KIF26B: variants seen among roughly 807,000 people sequenced by gnomAD.
KIF26B encodes the protein kinesin family member 26B, also known as kinesin-like protein KIF26B.
KIF26B carries 63 observed loss-of-function variants against 151.2 expected under a neutral mutation model. That is an observed-to-expected ratio of 0.42 (90% CI 0.34 to 0.51). The LOEUF is 0.51. KIF26B is among the 20% of genes least tolerant of loss of function. The probability of loss-of-function intolerance (pLI) is 0.07; values close to 1 mark genes in which losing one functional copy is unlikely to be tolerated. For missense variants in KIF26B, 2,813 were observed against 2,913.6 expected (o/e 0.97, Z 0.79); for synonymous variants, 1,357 against 1,262.1 (o/e 1.08, Z -1.59).
intron 9 of KIF26B, among the ~76,000 whole-genome samples, chr1:245,634,200 A>C (rs531787937): frequency 6.6e-6 from 1 of 152,226 alleles, no homozygotes; most frequent in African/African-American, 2.4e-5. Flanking sequence ...CAACCTTCCT[A>C]AACTCACCTA....
At chr1:245,640,194 T>C (rs963924942) in intron 9 of KIF26B, among the ~76,000 whole-genome samples, 5 of 142,904 alleles carry the variant, frequency 3.5e-5, no homozygotes, top group South Asian at 2.3e-4. Flanking sequence ...TTCATAATTG[T>C]TATATCCTCT....
Position 245,698,075 on chromosome 1 carries a change from A to G in KIF26B, c.5825-31A>G, listed in dbSNP as rs1421128166. On this transcript the variant is annotated intron_variant, in intron 12 of 14. Coordinates refer to ENST00000407071, the MANE Select transcript of KIF26B (RefSeq NM_018012.4). This position sits in a 1 kb window ranked among gnomAD's most constrained non-coding sequence, Gnocchi z 4.0. Reference sequence around the variant, plus strand: ...AACAAAAAAATTGAAATTCAGAAAGACTAACTCTCTGGGCTTATCCCCCTC... The same window carrying G: ...AACAAAAAAATTGAAATTCAGAAAGGCTAACTCTCTGGGCTTATCCCCCTC... 5 of 1,583,422 alleles carry G rather than the reference A, an allele frequency of 3.2e-6. No individual in the cohort carries two copies. The highest frequency in any genetic ancestry group is 4.3e-6 in the Non-Finnish European group (5 of 1,163,808).
At chr1:245,537,443 C>T (rs1176799366) in intron 4 of KIF26B, among the ~76,000 whole-genome samples, 2 of 152,168 alleles carry the variant, frequency 1.3e-5, no homozygotes, top group African/African-American at 4.8e-5. Context: ...CTTGAGCAGA[C>T]TTAAATCTTA....
intron 2 of KIF26B, among the ~76,000 whole-genome samples, chr1:245,357,857 G>A (rs6680472): frequency 0.19 from 28,711 of 152,090 alleles, 7,385 homozygotes; most frequent in African/African-American, 0.58. Context: ...CAGGGGAATG[G>A]GGCAAGTACT....
Position 245,685,666 on chromosome 1 carries a change from G to C in KIF26B, c.2683G>C (p.Ala895Pro). 6.2e-7 allele frequency: 1 copy of C among 1,613,186 alleles called. No individual in the cohort carries two copies. Among genetic ancestry groups the C allele is most frequent in the Non-Finnish European group, 8.5e-7 (1 of 1,179,824 alleles). The change falls in exon 12 of 15, where the codon GCC becomes CCC. Residue 895 changes from alanine (A) to proline (P), a missense_variant. Transcript: ENST00000407071. ...CCCAGACTTTGTCCCTATCGTGCCAGCCCTGCAGAAGACCCGGGGCGACAG... is the reference window on the plus strand; with the variant it reads ...CCCAGACTTTGTCCCTATCGTGCCACCCCTGCAGAAGACCCGGGGCGACAG... Reference protein sequence around the residue: ...GPPDFVPIVPALQKTRGDSRP... With the variant: ...GPPDFVPIVPPLQKTRGDSRP...
chr1:245,169,728 TGTG>T (rs755743765), intron 2 of KIF26B, among the ~76,000 whole-genome samples: 6 of 152,132 alleles, frequency 3.9e-5, no homozygotes, highest in Non-Finnish European at 8.8e-5. Context: ...GTGGGCTTTT[TGTG>T]GTGGTGGTTT....
At chr1:245,351,009 G>A (rs2103000460) in intron 2 of KIF26B, among the ~76,000 whole-genome samples, 1 of 152,288 alleles carries the variant, frequency 6.6e-6, no homozygotes, top group East Asian at 1.9e-4. Flanking sequence ...GCAAGGAATT[G>A]ACTCCTCACA....
intron 2 of KIF26B, among the ~76,000 whole-genome samples, chr1:245,286,093 AC>A (rs1479571084): frequency 6.6e-6 from 1 of 152,062 alleles, no homozygotes; most frequent in Non-Finnish European, 1.5e-5. Context: ...CAGCTTTGCT[AC>A]TTTGGCAGGG....
intron 9 of KIF26B, among the ~76,000 whole-genome samples, chr1:245,623,970 G>A (rs1465434440): frequency 6.6e-6 from 1 of 152,116 alleles, no homozygotes; most frequent in Non-Finnish European, 1.5e-5. Flanking sequence ...GACCTGGTGG[G>A]AGGTGATTAC....
intron 3 of KIF26B, among the ~76,000 whole-genome samples, chr1:245,387,389 T>TC (rs11415391): frequency 0.68 from 103,017 of 151,392 alleles, 35,242 homozygotes; most frequent in African/African-American, 0.75. Context: ...GGTTTCAAAC[T>TC]CTAAGCTCAG....
At chr1:245,570,263 T>C (rs1402633827) in intron 5 of KIF26B, among the ~76,000 whole-genome samples, 1 of 152,116 alleles carries the variant, frequency 6.6e-6, no homozygotes, top group Non-Finnish European at 1.5e-5. Flanking sequence ...ATTTCCACTT[T>C]ATAGATGAGA....
chr1:245,399,040 C>T (rs654873), intron 3 of KIF26B, among the ~76,000 whole-genome samples: 107,848 of 151,990 alleles, frequency 0.71, 38,989 homozygotes, highest in African/African-American at 0.86. Flanking sequence ...GATGAGTACC[C>T]TTATGGAATC....
chr1:245,394,921 A>T (rs946132585), intron 3 of KIF26B, among the ~76,000 whole-genome samples: 1 of 152,030 alleles, frequency 6.6e-6, no homozygotes, highest in African/African-American at 2.4e-5. Context: ...CGAACTCCTG[A>T]CCTCAGGTGA....
At chr1:245,518,291 C>T (rs2103088215) in intron 4 of KIF26B, among the ~76,000 whole-genome samples, 1 of 152,246 alleles carries the variant, frequency 6.6e-6, no homozygotes, top group African/African-American at 2.4e-5. Flanking sequence ...GTGATGAAGA[C>T]CAATCACAGC....
chr1:245,624,754 A>C (rs1444551091), intron 9 of KIF26B, among the ~76,000 whole-genome samples: 1 of 152,110 alleles, frequency 6.6e-6, no homozygotes, highest in Non-Finnish European at 1.5e-5. Flanking sequence ...AGTCCAATTT[A>C]TATGTTCTTT....
In KIF26B at chr1:245,503,252, T is replaced by C. The variant is rs530929092; in HGVS notation, c.1167-37515T>C. 2.0e-5 allele frequency among the ~76,000 whole-genome samples: 3 copies of C among 152,320 alleles called. No individual in the cohort carries two copies. In the South Asian group the frequency reaches 6.2e-4, roughly 32 times the overall value. On this transcript the variant is annotated intron_variant, in intron 4 of 14. Coordinates refer to ENST00000407071, the MANE Select transcript of KIF26B (RefSeq NM_018012.4). ...TCATGTATCATTTTTCTTATAAGGA[T>C]AGCTAATTAATATATAGATTTTATG...
rs539157596 is a variant in KIF26B, at chr1:245,542,429, A to C, written c.1350+1479A>C. The stretch of plus-strand genomic sequence containing the variant: ...CCTGGAGCTTTCCTTGGTGGTGGGC[A>C]GGGCAGACAGTTTTCAGCTGAGGGC... On this transcript the variant is annotated intron_variant, in intron 5 of 14. Coordinates refer to ENST00000407071, the MANE Select transcript of KIF26B (RefSeq NM_018012.4). 6.9e-4 allele frequency among the ~76,000 whole-genome samples: 105 copies of C among 152,366 alleles called. 1 individual carries two copies. In the South Asian group the frequency reaches 0.021, roughly 30 times the overall value.
intron 2 of KIF26B, among the ~76,000 whole-genome samples, chr1:245,213,104 C>T (rs1037655266): frequency 3.3e-5 from 5 of 152,136 alleles, no homozygotes; most frequent in Admixed American, 6.5e-5. Flanking sequence ...TAACCTTGTT[C>T]GTTTTGATTT....
At chr1:245,291,918 G>A (rs1048807405) in intron 2 of KIF26B, among the ~76,000 whole-genome samples, 10 of 152,168 alleles carry the variant, frequency 6.6e-5, no homozygotes, top group Non-Finnish European at 1.2e-4. Context: ...CAGCTCAGGG[G>A]TGAGGGATGG....
Sources: gnomAD v4.1 joint callset for allele counts (sites outside exome capture counted in the v4.1 genomes callset) on GRCh38, gnomAD v4.1.1 for gene constraint, Gnocchi (gnomAD v3.1) non-coding constraint, MANE v1.5 for transcripts, NCBI Gene and HGNC (gene_info 2026-07-23, HGNC 2026-07-21) for gene names.